Variants in OSBPL11 observed in about 807,000 individuals in gnomAD.
OSBPL11 encodes the protein oxysterol-binding protein-related protein 11.
In OSBPL11, 33 loss-of-function variants were observed where a neutral mutation model predicts 84.4. That is an observed-to-expected ratio of 0.39 (90% CI 0.30 to 0.52). The LOEUF (loss-of-function observed/expected upper bound fraction) is 0.52, where lower values mean the gene tolerates loss of function less well. OSBPL11 is among the 20% of genes least tolerant of loss of function. The pLI, the probability that OSBPL11 is intolerant of heterozygous loss-of-function variation, is 0.72. For missense variants in OSBPL11, 736 were observed against 901.1 expected (o/e 0.82, Z 2.35); for synonymous variants, 276 against 310.2 (o/e 0.89, Z 1.16).
At chr3:125,567,044 G>C (rs991774985) in intron 6 of OSBPL11, among the ~76,000 whole-genome samples, 1 of 152,066 alleles carries the variant, frequency 6.6e-6, no homozygotes, top group Non-Finnish European at 1.5e-5. Context: ...ATAATGCCAA[G>C]GTTTCTACTT....
At chr3:125,555,108 A>G (rs1384357531) in intron 8 of OSBPL11, among the ~76,000 whole-genome samples, 1 of 152,192 alleles carries the variant, frequency 6.6e-6, no homozygotes, top group Non-Finnish European at 1.5e-5. Flanking sequence ...CTAGGATAAA[A>G]GCTAGCAGGG....
intron 10 of OSBPL11, among the ~76,000 whole-genome samples, chr3:125,546,579 A>G (rs1335335721): frequency 6.6e-6 from 1 of 152,080 alleles, no homozygotes; most frequent in Non-Finnish European, 1.5e-5. Flanking sequence ...TGATCCACCC[A>G]TGACTAAAAA....
At chr3:125,539,417 G>T (rs1342179656) in intron 10 of OSBPL11, among the ~76,000 whole-genome samples, 2 of 148,662 alleles carry the variant, frequency 1.3e-5, no homozygotes, top group Non-Finnish European at 3.0e-5. Context: ...ATAGGAACAG[G>T]CTAGGAATCG....
chr3:125,540,043 C>T (rs145740369), intron 10 of OSBPL11, among the ~76,000 whole-genome samples: 67 of 152,170 alleles, frequency 4.4e-4, no homozygotes, highest in Non-Finnish European at 8.2e-4. Flanking sequence ...GAGTGGTCTG[C>T]GAACTCAGCT....
intron 8 of OSBPL11, among the ~76,000 whole-genome samples, chr3:125,553,054 A>G (rs1935936547): frequency 6.6e-6 from 1 of 152,184 alleles, no homozygotes; most frequent in Admixed American, 6.5e-5. Context: ...CAAGGCTACA[A>G]TGAGCCATGA....
chr3:125,565,062 A>C (rs1252940845), intron 6 of OSBPL11, among the ~76,000 whole-genome samples: 1 of 152,168 alleles, frequency 6.6e-6, no homozygotes, highest in Non-Finnish European at 1.5e-5. Context: ...TGGGCAACAC[A>C]GACAGACTCC....
intron 1 of OSBPL11, among the ~76,000 whole-genome samples, chr3:125,592,200 G>A (rs1936605105): frequency 6.6e-6 from 1 of 151,984 alleles, no homozygotes; most frequent in African/African-American, 2.4e-5. Context: ...CACCATGCCT[G>A]GCTAATTTTT....
At chr3:125,540,793 G>A (rs1359378497) in intron 10 of OSBPL11, among the ~76,000 whole-genome samples, 3 of 152,118 alleles carry the variant, frequency 2.0e-5, no homozygotes, top group Non-Finnish European at 4.4e-5. Context: ...TACAGGGTCC[G>A]TATTGTTTAG....
chr3:125,551,286 T>C (rs557559550), intron 9 of OSBPL11, among the ~76,000 whole-genome samples: 2 of 151,048 alleles, frequency 1.3e-5, no homozygotes, highest in East Asian at 3.9e-4. Flanking sequence ...AAAATGAATA[T>C]ATTTAATTTA....
At chr3:125,537,693 T>C (rs556881185) in intron 11 of OSBPL11, among the ~76,000 whole-genome samples, 14 of 152,282 alleles carry the variant, frequency 9.2e-5, no homozygotes, top group South Asian at 2.1e-4. Flanking sequence ...CTATTTTTAA[T>C]TGATAGAAGG....
At chr3:125,583,278 T>C (rs1580063001) in intron 1 of OSBPL11, among the ~76,000 whole-genome samples, 1 of 151,824 alleles carries the variant, frequency 6.6e-6, no homozygotes, top group East Asian at 1.9e-4. Flanking sequence ...ACAAATATAC[T>C]ATAAGTATTA....
chr3:125,540,700 T>C (rs888631425), intron 10 of OSBPL11, among the ~76,000 whole-genome samples: 7 of 152,208 alleles, frequency 4.6e-5, no homozygotes, highest in South Asian at 2.1e-4. Flanking sequence ...TTTACTACCA[T>C]AGCGCATCTC....
chr3:125,595,469 T>C lies in OSBPL11; in HGVS notation c.-669A>G, dbSNP rs971820374. Among the ~76,000 whole-genome samples the C allele has an allele frequency of 1.6e-4, 25 of 152,216 alleles. No individual in the cohort carries two copies. Among genetic ancestry groups the C allele is most frequent in the African/African-American group, 5.8e-4 (24 of 41,524 alleles). ...GGGTTCCCAGGAGCCGGTGAGTCTCTCGCGCTATCTCCAGACCCAAGCGCG... is the reference window on the plus strand; with the variant it reads ...GGGTTCCCAGGAGCCGGTGAGTCTCCCGCGCTATCTCCAGACCCAAGCGCG... On this transcript the variant is annotated 5_prime_UTR_variant, in exon 1 of 13. Transcript: ENST00000296220.
chr3:125,566,031 G>A (rs1374972845), intron 6 of OSBPL11, among the ~76,000 whole-genome samples: 1 of 152,108 alleles, frequency 6.6e-6, no homozygotes, highest in Non-Finnish European at 1.5e-5. Context: ...TTGAGATGGA[G>A]TCTCACTCTT....
chr3:125,538,679 A>G (rs757894080), intron 10 of OSBPL11, 46 bp from the exon 11 acceptor site: 1 of 1,514,306 alleles, frequency 6.6e-7, no homozygotes, highest in Non-Finnish European at 8.9e-7. Context: ...AAGTGATATC[A>G]TGTTTGTTTC....
At chr3:125,550,863 TG>T (rs1349736306) in intron 9 of OSBPL11, among the ~76,000 whole-genome samples, 2 of 152,204 alleles carry the variant, frequency 1.3e-5, no homozygotes, top group Non-Finnish European at 2.9e-5. Flanking sequence ...AAATATTCTA[TG>T]AATAGCACCT....
intron 5 of OSBPL11, among the ~76,000 whole-genome samples, chr3:125,575,117 C>T (rs1425251783): frequency 6.6e-6 from 1 of 152,106 alleles, no homozygotes; most frequent in Admixed American, 6.6e-5. Context: ...AAACAACATA[C>T]TACAGTAGAT....
chr3:125,591,210 G>A (rs768090565), intron 1 of OSBPL11, among the ~76,000 whole-genome samples: 3 of 152,140 alleles, frequency 2.0e-5, no homozygotes, highest in Non-Finnish European at 4.4e-5. Context: ...CCCCAAGTCC[G>A]TTTTCCCCTC....
At chr3:125,546,247 C>T (rs1370027111) in intron 10 of OSBPL11, among the ~76,000 whole-genome samples, 1 of 150,396 alleles carries the variant, frequency 6.6e-6, no homozygotes, top group Non-Finnish European at 1.5e-5. Flanking sequence ...AATCACGGCT[C>T]ATTGCAACCT....
Sources: allele counts gnomAD v4.1 joint callset (sites outside exome capture counted in the v4.1 genomes callset), GRCh38; gene constraint gnomAD v4.1.1; transcripts MANE v1.5; gene names NCBI Gene and HGNC (gene_info 2026-07-23, HGNC 2026-07-21).